RIF1: variants seen among roughly 807,000 people sequenced by gnomAD.
RIF1 encodes the protein replication timing regulatory factor 1.
A neutral mutation model predicts 247.1 loss-of-function variants in RIF1; 45 were observed. The observed-to-expected ratio is 0.18, with a 90% CI of 0.14 to 0.23. The LOEUF (loss-of-function observed/expected upper bound fraction) is 0.23, where lower values mean the gene tolerates loss of function less well. RIF1 is among the 10% of genes least tolerant of loss of function. The pLI is 1.00. For missense variants in RIF1, 2,967 were observed against 2,862.5 expected, an observed-to-expected ratio of 1.04 and a Z score of -0.83; for synonymous variants, 1,087 against 978.8, an observed-to-expected ratio of 1.11 and a Z score of -2.06.
At chr2:151,501,551 AAAAC>A in intron 11 of RIF1, 1 of 801,372 alleles carries the variant, frequency 1.2e-6, no homozygotes, top group Non-Finnish European at 1.8e-6. Flanking sequence ...TTAACCTAAA[AAAAC>A]AGCCTAAAAG....
the RIF1 span, chr2:151,525,301 A>G: frequency 1.3e-6 from 2 of 1,484,932 alleles, no homozygotes; most frequent in Non-Finnish European, 9.4e-7. Flanking sequence ...TACTTTTATG[A>G]GTAGAGGAAG....
At chr2:151,446,668 C>A in intron 20 of RIF1, 93 bp downstream of exon 20, 1 of 1,208,604 alleles carries the variant, frequency 8.3e-7, no homozygotes, top group Non-Finnish European at 1.2e-6. Context: ...TCACCTATTA[C>A]TGCCTCTATT....
At chr2:151,441,089 G>C (rs1388364783) in intron 15 of RIF1, among the ~76,000 whole-genome samples, 1 of 152,116 alleles carries the variant, frequency 6.6e-6, no homozygotes, top group East Asian at 1.9e-4. Context: ...CAGGCATGCT[G>C]ACATGCCTCT....
rs1167295171 is a variant in RIF1 at position 151,420,187 on chromosome 2, T to C, written c.504-3T>C. 6 of 1,612,038 alleles carry C rather than the reference T, an allele frequency of 3.7e-6. No homozygotes were observed. The highest frequency in any genetic ancestry group is 2.7e-5 in the African/African-American group (2 of 74,908). On this transcript the variant is annotated splice_polypyrimidine_tract_variant and splice_region_variant and intron_variant, in intron 6 of 35. Transcript: ENST00000444746. Reference sequence around the variant, plus strand: ...TAATTATTCATTGATTTCTCTATTATAGGCTAATTGAACAAGCCCCAATTC... The same window carrying C: ...TAATTATTCATTGATTTCTCTATTACAGGCTAATTGAACAAGCCCCAATTC...
chr2:151,530,693 G>A, the RIF1 span: 185 of 261,686 alleles, frequency 7.1e-4, 2 homozygotes, highest in East Asian at 0.013. Flanking sequence ...TTCCTGTCTC[G>A]TCTACACAAT....
the RIF1 span, chr2:151,516,369 G>T: frequency 2.5e-6 from 2 of 800,676 alleles, no homozygotes; most frequent in Non-Finnish European, 4.0e-6. Flanking sequence ...TACCACTTTT[G>T]GATGACAGGA....
chr2:151,499,230 A>T lies in RIF1; in HGVS notation c.*514-115A>T, dbSNP rs1575119187. ...ATTGGGATGAGTTGATTAGATTTTT[A>T]AAATCTAGCCATTAATCTTTTTAAA... On this transcript the variant is annotated intron_variant and NMD_transcript_variant, in intron 10 of 13. Transcript: ENST00000454583. 1.2e-4 allele frequency: 101 copies of T among 849,200 alleles called. No homozygotes were observed. The East Asian group carries it at 2.8e-3, about 23-fold the overall frequency. The allele number at this position is 849,200 out of a possible 1,614,324, so 52.6% of individuals were successfully genotyped here.
At chr2:151,497,700 T>G (rs758723643) in intron 10 of RIF1, 3 of 1,579,002 alleles carry the variant, frequency 1.9e-6, no homozygotes, top group South Asian at 2.3e-5. Context: ...CCCTTGCCCA[T>G]GTTTTCTTTG....
At chr2:151,429,479 CTAT>C (rs1689687412) in intron 9 of RIF1, among the ~76,000 whole-genome samples, 1 of 152,140 alleles carries the variant, frequency 6.6e-6, no homozygotes, top group African/African-American at 2.4e-5. Flanking sequence ...TGCCCCCAGC[CTAT>C]TATTTGTGGC....
the RIF1 span, chr2:151,513,733 G>T: frequency 1.5e-6 from 2 of 1,322,690 alleles, no homozygotes; most frequent in Non-Finnish European, 2.1e-6. Flanking sequence ...GTACCTAAAT[G>T]CTACTACTAG....
the RIF1 span, chr2:151,530,990 T>C: frequency 6.3e-7 from 1 of 1,599,530 alleles, no homozygotes; most frequent in African/African-American, 1.3e-5. Context: ...ATTCTAGTAC[T>C]TACATCACTG....
intron 20 of RIF1, among the ~76,000 whole-genome samples, chr2:151,447,194 C>T (rs980366596): frequency 1.3e-5 from 2 of 152,128 alleles, no homozygotes; most frequent in Admixed American, 6.5e-5. Context: ...CCGCCCGCCT[C>T]GGCCTCCCAA....
chr2:151,437,348 C>G lies in RIF1; in HGVS notation c.1480C>G (p.Pro494Ala). The change falls in exon 13 of 36, where the codon CCC (proline) becomes GCC (alanine). Residue 494 changes from proline (P) to alanine (A), a missense_variant. This residue lies in a region of RIF1 where 369 missense variants were observed against 322.0 expected (regional missense o/e 1.15). Coordinates refer to ENST00000444746, the MANE Select transcript of RIF1 (RefSeq NM_018151.5). ...CTTTGTTGCAGTTGGAAAAGATGCC[C>G]CCGGTAAGAGAATTTGATTTATTAT... is the stretch of plus-strand genomic sequence containing the variant. ...DSFVAVGKDAPDVVVSAIWKE... is the reference protein window; with the variant it reads ...DSFVAVGKDAADVVVSAIWKE... The G allele has an allele frequency of 6.2e-7, 1 of 1,603,182 alleles. No homozygotes were observed. The highest frequency in any genetic ancestry group is 2.2e-5 in the East Asian group (1 of 44,814).
chr2:151,464,778 A>G lies in RIF1; in HGVS notation c.5258A>G (p.Glu1753Gly), dbSNP rs780988156. The change falls in exon 30 of 36, where the codon GAA becomes GGA. Residue 1753 changes from glutamate to glycine, a missense_variant. Glu to Gly is a moderately conservative substitution (Grantham distance 98). Around this residue, in one of 7 missense-constraint regions of RIF1, gnomAD observed 2,028 missense variants for 1,825.6 expected, o/e 1.11. Coordinates refer to ENST00000444746, the MANE Select transcript of RIF1 (RefSeq NM_018151.5). Reference sequence around the variant, plus strand: ...TCACTCATTGGGTTAAAGAATACAGAAAATAATGACGTAGAGATTAGTGAA... The same window carrying G: ...TCACTCATTGGGTTAAAGAATACAGGAAATAATGACGTAGAGATTAGTGAA... ...EKSLIGLKNT[E>G]NNDVEISETK... 12 of 1,613,906 alleles carry G rather than the reference A, an allele frequency of 7.4e-6. No individual in the cohort carries two copies. The highest frequency in any genetic ancestry group is 1.6e-4 in the Middle Eastern group (1 of 6,084).
the RIF1 span, chr2:151,519,809 A>G: frequency 7.4e-7 from 1 of 1,353,434 alleles, no homozygotes; most frequent in East Asian, 2.3e-5. Context: ...CCTGGACATC[A>G]ATCAATTTGG....
chr2:151,534,086 T>TA, the RIF1 span: 1 of 694,772 alleles, frequency 1.4e-6, no homozygotes, highest in Non-Finnish European at 2.4e-6. Flanking sequence ...GCTAGACAGA[T>TA]ACTTTGAAAC....
intron 22 of RIF1, 27 bp downstream of exon 22, chr2:151,455,186 G>C (rs757524166): frequency 6.5e-7 from 1 of 1,533,440 alleles, no homozygotes; most frequent in Non-Finnish European, 8.9e-7. Context: ...AAGTAGCTTT[G>C]AATTAAATGT....
intron 9 of RIF1, chr2:151,490,349 A>G (rs963339345): frequency 1.9e-6 from 3 of 1,580,682 alleles, no homozygotes; most frequent in African/African-American, 1.4e-5. Context: ...GGGACTGCCA[A>G]AATCAGCGCC....
chr2:151,463,057 A>G lies in RIF1; in HGVS notation c.3537A>G (p.Ser1179=), dbSNP rs1156683478. The G allele has an allele frequency of 6.2e-7, 1 of 1,613,980 alleles. No individual in the cohort carries two copies. The highest frequency in any genetic ancestry group is 1.7e-5 in the Admixed American group (1 of 59,982). The part of the protein sequence containing the change: ...NNDERKKALI[S]SRKTSTECAS... ...ATGAAAGAAAAAAAGCTTTAATTTC[A>G]TCAAGGAAAACATCAACTGAATGTG... Residue 1179 remains serine, a synonymous_variant, in exon 30 of 36, where the codon TCA becomes TCG. Coordinates refer to ENST00000444746, the MANE Select transcript of RIF1 (RefSeq NM_018151.5).
Sources: allele counts gnomAD v4.1 joint callset (sites outside exome capture counted in the v4.1 genomes callset), GRCh38; gene constraint gnomAD v4.1.1; regional missense constraint gnomAD v4.1.1; transcripts MANE v1.5; gene names NCBI Gene and HGNC (gene_info 2026-07-23, HGNC 2026-07-21).